The following NHS variants were observed in gnomAD, a reference collection of about 807,000 sequenced individuals.
NHS encodes the protein NHS actin remodeling regulator, also known as actin remodeling regulator NHS.
A neutral mutation model predicts 72.5 loss-of-function variants in NHS; 5 were observed. The ratio of observed to expected loss-of-function variants is 0.07; its 90% CI spans 0.04 to 0.14. The LOEUF is 0.14. Among genes scored for constraint, NHS ranks in the 10% least tolerant of loss-of-function variants. The pLI, the probability that NHS is intolerant of heterozygous loss-of-function variation, is 1.00. For synonymous variants in NHS, 464 were observed against 547.7 expected, an observed-to-expected ratio of 0.85 and a Z score of 2.13; for missense variants, 1,072 against 1,355.7, an observed-to-expected ratio of 0.79 and a Z score of 3.29.
chrX:17,626,165 C>T (rs1381355570), intron 1 of NHS, among the ~76,000 whole-genome samples: 1 of 112,288 alleles, frequency 8.9e-6, no homozygotes, highest in East Asian at 2.8e-4. Context: ...GAGAGCAGAT[C>T]TAGATTTTTA....
intron 3 of NHS, among the ~76,000 whole-genome samples, chrX:17,699,557 C>A (rs900014738): frequency 8.9e-6 from 1 of 111,965 alleles, no homozygotes; most frequent in Non-Finnish European, 1.9e-5. Flanking sequence ...TTGGGCCAAA[C>A]AATTTTTTGT....
At chrX:17,655,379 A>G (rs55658783) in intron 1 of NHS, among the ~76,000 whole-genome samples, 3,512 of 111,990 alleles carry the variant, frequency 0.031, 60 homozygotes, top group Non-Finnish European at 0.048. Context: ...CTACGGGAGA[A>G]GGAAACACAG....
At chrX:17,391,035 G>A (rs1281250869) in intron 1 of NHS, among the ~76,000 whole-genome samples, 1 of 111,635 alleles carries the variant, frequency 9.0e-6, no homozygotes, top group African/African-American at 3.3e-5. Context: ...CTGTTGAGTG[G>A]GAAGGAAAAT....
intron 1 of NHS, among the ~76,000 whole-genome samples, chrX:17,509,482 C>G (rs1250763541): frequency 8.9e-6 from 1 of 112,226 alleles, no homozygotes; most frequent in African/African-American, 3.2e-5. Flanking sequence ...CTGCCTTGGT[C>G]CCCCAAAGTG....
chrX:17,634,286 C>T (rs182216731), intron 1 of NHS, among the ~76,000 whole-genome samples: 2 of 112,286 alleles, frequency 1.8e-5, no homozygotes, highest in African/African-American at 6.5e-5. Context: ...GTTCTTGCTG[C>T]GCATGATTAA....
At chrX:17,527,344 CAG>C (rs1301838575) in intron 1 of NHS, among the ~76,000 whole-genome samples, 3 of 113,371 alleles carry the variant, frequency 2.6e-5, no homozygotes, top group African/African-American at 9.6e-5. Flanking sequence ...GTGAAAAAGG[CAG>C]AGAGGGCCCT....
At chrX:17,693,969 C>G (rs1179059701) in intron 3 of NHS, among the ~76,000 whole-genome samples, 1 of 112,305 alleles carries the variant, frequency 8.9e-6, no homozygotes, top group Non-Finnish European at 1.9e-5. Context: ...TGTTTTATGG[C>G]TAATTAAGTT....
chrX:17,428,258 G>A (rs765339507), intron 1 of NHS, among the ~76,000 whole-genome samples: 95 of 112,577 alleles, frequency 8.4e-4, no homozygotes, highest in Non-Finnish European at 1.0e-3. Context: ...GTTAACATGT[G>A]TACTTGGCCA....
intron 1 of NHS, among the ~76,000 whole-genome samples, chrX:17,518,684 C>T (rs1394300663): frequency 8.9e-6 from 1 of 112,133 alleles, no homozygotes; most frequent in African/African-American, 3.2e-5. Context: ...GCCTTTCTAC[C>T]TGGCGGCAAG....
In NHS at chrX:17,537,057, GC is replaced by G. The variant is rs752160590; in HGVS notation, c.566-150684del. 1.9e-3 allele frequency among the ~76,000 whole-genome samples: 217 copies of G among 112,309 alleles called. 1 individual carries two copies. The highest frequency in any genetic ancestry group is 4.6e-3 in the Admixed American group (49 of 10,616). On this transcript the variant is annotated intron_variant, in intron 1 of 8. Coordinates refer to ENST00000676302, the MANE Select transcript of NHS (RefSeq NM_001291867.2). Reference sequence around the variant, plus strand: ...GCAGCAAAGTCTTGCCAGATGGAAAGCAAAGCAAAGACTCTTGTCATGTCCA... The same window carrying G: ...GCAGCAAAGTCTTGCCAGATGGAAAGAAAGCAAAGACTCTTGTCATGTCCA...
chrX:17,685,049 G>A (rs1037630598), intron 1 of NHS, among the ~76,000 whole-genome samples: 2 of 111,976 alleles, frequency 1.8e-5, no homozygotes, highest in African/African-American at 3.2e-5. Context: ...AGCAGCTCAC[G>A]AATGAATGGA....
At chrX:17,530,389 T>G (rs2146942312) in intron 1 of NHS, among the ~76,000 whole-genome samples, 1 of 111,466 alleles carries the variant, frequency 9.0e-6, no homozygotes, top group Non-Finnish European at 1.9e-5. Flanking sequence ...TTGGCTTATG[T>G]TGAGTGCTAC....
chrX:17,700,095 G>T (rs2066253334), intron 3 of NHS, among the ~76,000 whole-genome samples: 1 of 111,100 alleles, frequency 9.0e-6, no homozygotes, highest in Non-Finnish European at 1.9e-5. Context: ...AGACAATTCA[G>T]AAAAAAATAT....
At chrX:17,707,787 C>T (rs2147126786) in intron 3 of NHS, among the ~76,000 whole-genome samples, 1 of 111,448 alleles carries the variant, frequency 9.0e-6, no homozygotes, top group East Asian at 2.8e-4. Flanking sequence ...GACCTTCTCA[C>T]TGCCTTGTTT....
chrX:17,611,552 T>C (rs2065711410), intron 1 of NHS, among the ~76,000 whole-genome samples: 1 of 112,436 alleles, frequency 8.9e-6, no homozygotes, highest in South Asian at 3.7e-4. Context: ...TTTTTCTTTT[T>C]TTTTTTAATA....
chrX:17,387,085 G>T (rs2064414845), intron 1 of NHS, among the ~76,000 whole-genome samples: 1 of 112,263 alleles, frequency 8.9e-6, no homozygotes, highest in Non-Finnish European at 1.9e-5. Context: ...GGCAGTACTA[G>T]CAATGTTTCT....
At chrX:17,688,649 G>A (rs1297929277) in intron 2 of NHS, among the ~76,000 whole-genome samples, 3 of 111,752 alleles carry the variant, frequency 2.7e-5, no homozygotes, top group African/African-American at 9.8e-5. Context: ...CAGGTTAGGT[G>A]TGGTACCAGG....
chrX:17,659,757 C>T (rs1042887493), intron 1 of NHS, among the ~76,000 whole-genome samples: 5 of 112,169 alleles, frequency 4.5e-5, no homozygotes, highest in African/African-American at 1.6e-4. Flanking sequence ...CTAATCTATG[C>T]CCTGCACACA....
rs1357346459 is a variant in NHS, at chrX:17,375,855, AGCC to A, written c.108_110del (p.Pro37del). ...GTGGACGCGAGCGGAGGCAGCGCTG[AGCC>A]GCCGCCGCCCTTGCAGCCGCCGGGC... On this transcript the variant is annotated inframe_deletion, in exon 1 of 9. Transcript: ENST00000676302. 1 of 1,128,123 alleles carries A rather than the reference AGCC, an allele frequency of 8.9e-7. No individual in the cohort carries two copies. The highest frequency in any genetic ancestry group is 2.8e-5 in the Admixed American group (1 of 35,583). The allele number at this position is 1,128,123 out of a possible 1,213,427, so 93.0% of individuals were successfully genotyped here.
Sources: gnomAD v4.1 joint callset for allele counts (sites outside exome capture counted in the v4.1 genomes callset) on GRCh38, gnomAD v4.1.1 for gene constraint, MANE v1.5 for transcripts, NCBI Gene and HGNC (gene_info 2026-07-23, HGNC 2026-07-21) for gene names.